KCNH8: variants seen among roughly 807,000 people sequenced by gnomAD.
KCNH8 encodes potassium voltage-gated channel subfamily H member 8.
Under a neutral mutation model 103.6 loss-of-function variants are expected in KCNH8, and 70 were observed. The observed-to-expected ratio is 0.68, with a 90% CI of 0.56 to 0.82. The LOEUF (loss-of-function observed/expected upper bound fraction) is 0.82. Among genes scored for constraint, KCNH8 ranks in the 40% least tolerant of loss-of-function variants. The pLI is 0.00. For synonymous variants in KCNH8, 498 were observed against 489.4 expected (o/e 1.02, Z -0.23); for missense variants, 1,217 against 1,329.9 (o/e 0.92, Z 1.32).
In KCNH8 at chr3:19,362,894, C is replaced by T. The variant is rs555757376; in HGVS notation, c.811+14929C>T. On this transcript the variant is annotated intron_variant, in intron 5 of 15. Transcript: ENST00000328405. ...GCTAGTTTCCTGAGCTCAAGTGATCCTCCCCCCTTAGCCTCCCAAAGTGCC... is the reference window on the plus strand; with the variant it reads ...GCTAGTTTCCTGAGCTCAAGTGATCTTCCCCCCTTAGCCTCCCAAAGTGCC... Among the ~76,000 whole-genome samples, 28 of 152,214 alleles carry T rather than the reference C, an allele frequency of 1.8e-4. No homozygotes were observed. In the South Asian group the frequency reaches 5.0e-3, roughly 27 times the overall value.
chr3:19,442,235 C>A (rs2067294571), intron 8 of KCNH8, among the ~76,000 whole-genome samples: 1 of 152,178 alleles, frequency 6.6e-6, no homozygotes, highest in South Asian at 2.1e-4. Context: ...AATTTCCATT[C>A]TCTGTGATAT....
At chr3:19,180,918 A>G (rs1272279959) in intron 1 of KCNH8, among the ~76,000 whole-genome samples, 1 of 152,164 alleles carries the variant, frequency 6.6e-6, no homozygotes, top group Non-Finnish European at 1.5e-5. Flanking sequence ...TGGTCAGAGG[A>G]AATAAAATAA....
At chr3:19,259,460 C>G (rs2064399014) in intron 2 of KCNH8, among the ~76,000 whole-genome samples, 1 of 151,642 alleles carries the variant, frequency 6.6e-6, no homozygotes, top group African/African-American at 2.4e-5. Context: ...AGTAACCCTT[C>G]AAATAAATAT....
intron 1 of KCNH8, among the ~76,000 whole-genome samples, chr3:19,242,735 C>T (rs2064158055): frequency 6.6e-6 from 1 of 152,124 alleles, no homozygotes; most frequent in Non-Finnish European, 1.5e-5. Context: ...ATGAAGGTCA[C>T]CAGGTCCTAT....
intron 3 of KCNH8, among the ~76,000 whole-genome samples, chr3:19,336,067 A>G (rs2065580537): frequency 6.6e-6 from 1 of 151,448 alleles, no homozygotes. Context: ...CTATTAAATT[A>G]CTATATTTAT....
At chr3:19,516,303 G>A (rs1331423174) in intron 14 of KCNH8, among the ~76,000 whole-genome samples, 2 of 152,024 alleles carry the variant, frequency 1.3e-5, no homozygotes, top group African/African-American at 2.4e-5. Context: ...TGTTTCTCTG[G>A]TAGAATACCA....
intron 1 of KCNH8, among the ~76,000 whole-genome samples, chr3:19,240,388 G>T (rs771335933): frequency 6.6e-6 from 1 of 152,020 alleles, no homozygotes; most frequent in Non-Finnish European, 1.5e-5. Context: ...CGAGGTGAGC[G>T]GATCGCCTGA....
chr3:19,282,272 C>G (rs1189290297), intron 3 of KCNH8, among the ~76,000 whole-genome samples: 4 of 152,002 alleles, frequency 2.6e-5, no homozygotes, highest in Non-Finnish European at 5.9e-5. Flanking sequence ...GTCTGTTTTG[C>G]TGTATATTGG....
chr3:19,434,521 T>C (rs1409971570), intron 7 of KCNH8, among the ~76,000 whole-genome samples: 1 of 152,198 alleles, frequency 6.6e-6, no homozygotes, highest in Non-Finnish European at 1.5e-5. Context: ...GAAGCTCCCA[T>C]GTTATGCCCC....
chr3:19,405,654 T>C (rs951515381), intron 7 of KCNH8, among the ~76,000 whole-genome samples: 1 of 151,948 alleles, frequency 6.6e-6, no homozygotes, highest in Non-Finnish European at 1.5e-5. Flanking sequence ...ATTGTGGTTC[T>C]CAAAAGTGTA....
chr3:19,274,935 A>G (rs921343947), intron 2 of KCNH8, among the ~76,000 whole-genome samples: 1 of 141,518 alleles, frequency 7.1e-6, no homozygotes, highest in African/African-American at 2.6e-5. Context: ...TTCTGACTTA[A>G]CATAGCACTT....
rs2069248959 is a variant in KCNH8, at chr3:19,535,612, A to T, written c.*1513A>T. ...ATTTTCCACCACAAAAAATAATCTGAGAATTGTATCATTAAAAGTATCTAA... is the reference window on the plus strand; with the variant it reads ...ATTTTCCACCACAAAAAATAATCTGTGAATTGTATCATTAAAAGTATCTAA... On this transcript the variant is annotated 3_prime_UTR_variant, in exon 16 of 16. Transcript: ENST00000328405. The T allele has an allele frequency of 6.6e-6, 1 of 152,250 alleles. No homozygotes were observed. Among genetic ancestry groups the T allele is most frequent in the Non-Finnish European group, 1.5e-5 (1 of 68,048 alleles). The allele number at this position is 152,250 out of a possible 1,614,324, so 9.4% of individuals were successfully genotyped here. A position where few individuals can be genotyped will look rare whatever the true frequency, so the allele number is the denominator to read the frequency against.
chr3:19,475,235 T>A (rs2067947382), intron 11 of KCNH8, among the ~76,000 whole-genome samples: 1 of 152,216 alleles, frequency 6.6e-6, no homozygotes, highest in African/African-American at 2.4e-5. Flanking sequence ...GAAAAGCTTG[T>A]CCTGAAAAGA....
intron 3 of KCNH8, among the ~76,000 whole-genome samples, chr3:19,285,232 C>CA (rs975123760): frequency 1.3e-5 from 2 of 151,776 alleles, no homozygotes; most frequent in Non-Finnish European, 2.9e-5. Flanking sequence ...TTAAGTAATT[C>CA]AAAAAATATT....
chr3:19,316,803 A>G (rs1451180113), intron 3 of KCNH8, among the ~76,000 whole-genome samples: 1 of 151,964 alleles, frequency 6.6e-6, no homozygotes, highest in Non-Finnish European at 1.5e-5. Flanking sequence ...CTCTCAACAC[A>G]CTTTTTGTCT....
At chr3:19,499,466 G>A (rs527385948) in intron 11 of KCNH8, among the ~76,000 whole-genome samples, 1 of 152,226 alleles carries the variant, frequency 6.6e-6, no homozygotes, top group Admixed American at 6.5e-5. Context: ...CTTGAGAAGA[G>A]CAACTCCAAG....
At position 19,148,810 on chromosome 3, in the gene KCNH8, T is replaced by C. The variant is rs1483574241; in HGVS notation, c.76+15T>C. 4.3e-6 allele frequency: 7 copies of C among 1,609,930 alleles called. No homozygotes were observed. Among genetic ancestry groups the C allele is most frequent in the Middle Eastern group, 1.7e-4 (1 of 6,046 alleles). ...TGACGGAACACGTAAGTCTTACACT[T>C]GAACGAGTGGTATGGCATTTTCTGA... is the stretch of plus-strand genomic sequence containing the variant. On this transcript the variant is annotated intron_variant, in intron 1 of 15. Coordinates refer to ENST00000328405, the MANE Select transcript of KCNH8 (RefSeq NM_144633.3).
At position 19,375,101 on chromosome 3, in the gene KCNH8, A is replaced by G. The variant is rs370238108; in HGVS notation, c.812-15380A>G. Among the ~76,000 whole-genome samples, 382 of 151,314 alleles carry G rather than the reference A, an allele frequency of 2.5e-3. 4 individuals carry two copies. Among genetic ancestry groups the G allele is most frequent in the African/African-American group, 7.8e-3 (322 of 41,210 alleles). On this transcript the variant is annotated intron_variant, in intron 5 of 15. Coordinates refer to ENST00000328405, the MANE Select transcript of KCNH8 (RefSeq NM_144633.3). ...TATGTGTCTTGGAGTTGCTCTTCTC[A>G]AGGAGTATCTTTGTGGCGTTCTCTG...
chr3:19,241,152 C>T (rs550764590), intron 1 of KCNH8, among the ~76,000 whole-genome samples: 1 of 152,288 alleles, frequency 6.6e-6, no homozygotes, highest in African/African-American at 2.4e-5. Context: ...TCTTTCCTCT[C>T]TCCCTCTCTT....
Sources: gnomAD v4.1 joint callset for allele counts (sites outside exome capture counted in the v4.1 genomes callset) on GRCh38, gnomAD v4.1.1 for gene constraint, MANE v1.5 for transcripts, NCBI Gene and HGNC (gene_info 2026-07-23, HGNC 2026-07-21) for gene names.